The following GLS variants were observed in gnomAD, a reference collection of about 807,000 sequenced individuals.
GLS encodes the protein glutaminase, also known as glutaminase kidney isoform, mitochondrial.
GLS carries 36 observed loss-of-function variants against 86.7 expected under a neutral mutation model. That is an observed-to-expected ratio of 0.42 (90% CI 0.32 to 0.55). GLS has a LOEUF of 0.55. Ranked by LOEUF, GLS falls within the 20% of genes least tolerant of loss-of-function variation. GLS has a pLI of 0.17. For synonymous variants in GLS, 317 were observed against 305.9 expected (o/e 1.04, Z -0.38); for missense variants, 528 against 833.4 (o/e 0.63, Z 4.51).
rs1286110599 is a variant in GLS, at chr2:190,920,368, C to T, written c.1039-656C>T. 1 of 151,822 alleles carries T rather than the reference C, an allele frequency of 6.6e-6. No homozygotes were observed. Among genetic ancestry groups the T allele is most frequent in the Non-Finnish European group, 1.5e-5 (1 of 67,776 alleles). The allele number at this position is 151,822 out of a possible 1,614,324, so 9.4% of individuals were successfully genotyped here. A position where few individuals can be genotyped will look rare whatever the true frequency, so the allele number is the denominator to read the frequency against. ...GATGAAACAATACATCTTCCATATTCTGAATTGGCATAATGCTAAATACAA... is the reference window on the plus strand; with the variant it reads ...GATGAAACAATACATCTTCCATATTTTGAATTGGCATAATGCTAAATACAA... On this transcript the variant is annotated intron_variant, in intron 7 of 17. Coordinates refer to ENST00000320717, the MANE Select transcript of GLS (RefSeq NM_014905.5). This position sits in a 1 kb window ranked among gnomAD's most constrained non-coding sequence, Gnocchi z 4.2.
At position 190,920,994 on chromosome 2, in the gene GLS, A is replaced by G. The variant is rs764928736; in HGVS notation, c.1039-30A>G. 7.8e-7 allele frequency: 1 copy of G among 1,275,802 alleles called. No homozygotes were observed. Among genetic ancestry groups the G allele is most frequent in the Non-Finnish European group, 1.1e-6 (1 of 874,978 alleles). The allele number at this position is 1,275,802 out of a possible 1,614,324, so 79.0% of individuals were successfully genotyped here. A position where few individuals can be genotyped will look rare whatever the true frequency, so the allele number is the denominator to read the frequency against. On this transcript the variant is annotated intron_variant, in intron 7 of 17. Coordinates refer to ENST00000320717, the MANE Select transcript of GLS (RefSeq NM_014905.5). This position sits in a 1 kb window ranked among gnomAD's most constrained non-coding sequence, Gnocchi z 4.2. ...ACTTAACTGTAGTGGTACCTATATTAACGTATTTATGTCTCTTATTTTTTT... is the reference window on the plus strand; with the variant it reads ...ACTTAACTGTAGTGGTACCTATATTGACGTATTTATGTCTCTTATTTTTTT...
chr2:190,962,969 C>A lies in GLS; in HGVS notation c.1993C>A (p.Leu665Ile). The part of the protein sequence containing the change: ...GKENQTVHKN[L>I]DGLL ...GGAAAATCAAACCGTCCATAAGAAT[C>A]TTGATGGATTGTTGTAATGGTCTCA... Residue 665 changes from leucine to isoleucine, a missense_variant, in exon 18 of 18, where the codon CTT becomes ATT. By Grantham distance (5) the Leu-to-Ile change is conservative. This residue lies in a region of GLS where 30 missense variants were observed against 36.9 expected (regional missense o/e 0.81). Coordinates refer to ENST00000320717, the MANE Select transcript of GLS (RefSeq NM_014905.5). This position sits in a 1 kb window ranked among gnomAD's most constrained non-coding sequence, Gnocchi z 4.2. 1.2e-6 allele frequency: 2 copies of A among 1,605,500 alleles called. No homozygotes were observed. Among genetic ancestry groups the A allele is most frequent in the Non-Finnish European group, 1.7e-6 (2 of 1,176,684 alleles).
intron 7 of GLS, among the ~76,000 whole-genome samples, chr2:190,912,062 C>G (rs1000004237): frequency 6.6e-6 from 1 of 152,058 alleles, no homozygotes; most frequent in Admixed American, 6.6e-5. Flanking sequence ...TCATTAGTTT[C>G]ACTTGCCATG....
chr2:190,932,442 T>C (rs1690137860), intron 14 of GLS, among the ~76,000 whole-genome samples: 1 of 151,938 alleles, frequency 6.6e-6, no homozygotes, highest in African/African-American at 2.4e-5. Flanking sequence ...AGAAAATATT[T>C]TTAATACATA....
chr2:190,945,426 G>A (rs550328098), intron 14 of GLS, among the ~76,000 whole-genome samples: 1 of 151,960 alleles, frequency 6.6e-6, no homozygotes, highest in Non-Finnish European at 1.5e-5. Flanking sequence ...ACTTTGGGAG[G>A]GTGTCAGGAG....
At chr2:190,898,216 T>C (rs559142995) in intron 3 of GLS, among the ~76,000 whole-genome samples, 2 of 152,330 alleles carry the variant, frequency 1.3e-5, no homozygotes, top group East Asian at 3.9e-4. Flanking sequence ...ATTATGTTAT[T>C]TTACAAATGA....
chr2:190,915,471 T>C (rs1206723331), intron 7 of GLS, among the ~76,000 whole-genome samples: 1 of 152,214 alleles, frequency 6.6e-6, no homozygotes, highest in Non-Finnish European at 1.5e-5. Context: ...CAAATGATTA[T>C]AGCTTTTTCA....
intron 14 of GLS, among the ~76,000 whole-genome samples, chr2:190,936,405 C>A (rs1183325525): frequency 6.6e-6 from 1 of 151,106 alleles, no homozygotes; most frequent in Non-Finnish European, 1.5e-5. Flanking sequence ...CCTTAATCTA[C>A]CCATTCATAT....
In GLS at chr2:190,895,430, AAG is replaced by A. The variant is rs1038343531; in HGVS notation, c.484-172_484-171del. On this transcript the variant is annotated intron_variant, in intron 2 of 17. Transcript: ENST00000320717. The surrounding 1 kb of genome is among the most constrained non-coding windows in gnomAD (Gnocchi z 4.2). ...CAAGGTAATCAGTGAAAGAAAAAGA[AAG>A]AAACAATGAGAAACTTGTCCAGAAA... 39 of 563,832 alleles carry A rather than the reference AAG, an allele frequency of 6.9e-5. No individual in the cohort carries two copies. The African/African-American group carries it at 7.0e-4, about 10-fold the overall frequency. 34.9% of individuals were successfully genotyped at this position (563,832 alleles called of 1,614,324 possible).
At chr2:190,898,873 C>G (rs1220922834) in intron 3 of GLS, among the ~76,000 whole-genome samples, 3 of 152,208 alleles carry the variant, frequency 2.0e-5, no homozygotes, top group Non-Finnish European at 1.5e-5. Context: ...GGTGATCTGC[C>G]TGCCTCAGCC....
Position 190,913,640 on chromosome 2 carries a change from C to T in GLS, c.1038+3319C>T. On this transcript the variant is annotated intron_variant, in intron 7 of 17. Transcript: ENST00000320717. This position sits in a 1 kb window ranked among gnomAD's most constrained non-coding sequence, Gnocchi z 6.1. ...GTTTTCTTTTCACTGGTAAAAATTT[C>T]ACGTAGTTTTAGTTTAAAAGTTAAG... 1.0e-6 allele frequency: 1 copy of T among 976,368 alleles called. No individual in the cohort carries two copies. Among genetic ancestry groups the T allele is most frequent in the Non-Finnish European group, 1.2e-6 (1 of 821,826 alleles). 60.5% of individuals were successfully genotyped at this position (976,368 alleles called of 1,614,324 possible).
rs1342526807 is a variant in GLS, at chr2:190,895,459, T to C, written c.484-145T>C. ...AACAATGAGAAACTTGTCCAGAAAG[T>C]GGGTAATAGTGACACTAAGATGCCA... On this transcript the variant is annotated intron_variant, in intron 2 of 17. Coordinates refer to ENST00000320717, the MANE Select transcript of GLS (RefSeq NM_014905.5). This position sits in a 1 kb window ranked among gnomAD's most constrained non-coding sequence, Gnocchi z 4.2. The C allele has an allele frequency of 5.2e-6, 3 of 580,324 alleles. No homozygotes were observed. Among genetic ancestry groups the C allele is most frequent in the East Asian group, 5.7e-5 (2 of 35,206 alleles). The allele number at this position is 580,324 out of a possible 1,614,324, so 35.9% of individuals were successfully genotyped here.
chr2:190,942,168 C>T (rs1690457099), intron 14 of GLS, among the ~76,000 whole-genome samples: 1 of 143,526 alleles, frequency 7.0e-6, no homozygotes, highest in South Asian at 2.3e-4. Flanking sequence ...CAAGCTCCGC[C>T]TCCCGGGTTC....
intron 7 of GLS, among the ~76,000 whole-genome samples, chr2:190,916,524 G>T (rs1241024230): frequency 1.3e-5 from 2 of 152,004 alleles, no homozygotes; most frequent in African/African-American, 4.8e-5. Context: ...ATGATTATTA[G>T]ATCTCATCTA....
chr2:190,962,986 A>G lies in GLS; in HGVS notation c.2010A>G (p.Ter670=), dbSNP rs752271918. Reference sequence around the variant, plus strand: ...ATAAGAATCTTGATGGATTGTTGTAATGGTCTCAAATCCCAAGATTTAAAT... The same window carrying G: ...ATAAGAATCTTGATGGATTGTTGTAGTGGTCTCAAATCCCAAGATTTAAAT... ...TVHKNLDGLL[*] is the part of the protein sequence containing the mutation. Residue 670 remains the stop codon, a stop_retained_variant, in exon 18 of 18, where the codon TAA becomes TAG. Coordinates refer to ENST00000320717, the MANE Select transcript of GLS (RefSeq NM_014905.5). This position sits in a 1 kb window ranked among gnomAD's most constrained non-coding sequence, Gnocchi z 4.2. The G allele has an allele frequency of 7.6e-6, 12 of 1,583,512 alleles. No homozygotes were observed. Among genetic ancestry groups the G allele is most frequent in the Non-Finnish European group, 1.0e-5 (12 of 1,168,200 alleles).
rs1332771720 is a variant in GLS, at chr2:190,954,346, T to A, written c.1713-238T>A. Among the ~76,000 whole-genome samples, 1 of 152,104 alleles carries A rather than the reference T, an allele frequency of 6.6e-6. No individual in the cohort carries two copies. Among genetic ancestry groups the A allele is most frequent in the African/African-American group, 2.4e-5 (1 of 41,416 alleles). ...ACAATAATGTAATAAAGTTTAATTC[T>A]GTGAGAGATGGTTAACATTTAATCT... On this transcript the variant is annotated intron_variant, in intron 15 of 17. Coordinates refer to ENST00000320717, the MANE Select transcript of GLS (RefSeq NM_014905.5). The surrounding 1 kb of genome is among the most constrained non-coding windows in gnomAD (Gnocchi z 4.0).
Position 190,914,307 on chromosome 2 carries a change from TA to T in GLS, c.1038+3988del, listed in dbSNP as rs1689453139. ...AGCAATAACCTGTTAGGCATGCTTATAAGACAGGTTTTTAAAGTAGTTTGTG... is the reference window on the plus strand; with the variant it reads ...AGCAATAACCTGTTAGGCATGCTTATAGACAGGTTTTTAAAGTAGTTTGTG... On this transcript the variant is annotated intron_variant, in intron 7 of 17. Transcript: ENST00000320717. The surrounding 1 kb of genome is among the most constrained non-coding windows in gnomAD (Gnocchi z 4.4). Among the ~76,000 whole-genome samples, 1 of 152,178 alleles carries T rather than the reference TA, an allele frequency of 6.6e-6. No homozygotes were observed. The highest frequency in any genetic ancestry group is 2.4e-5 in the African/African-American group (1 of 41,446).
Position 190,920,377 on chromosome 2 carries a change from C to T in GLS, c.1039-647C>T, listed in dbSNP as rs1689691802. The stretch of plus-strand genomic sequence containing the variant: ...ATACATCTTCCATATTCTGAATTGG[C>T]ATAATGCTAAATACAACAGAAGCTA... On this transcript the variant is annotated intron_variant, in intron 7 of 17. Coordinates refer to ENST00000320717, the MANE Select transcript of GLS (RefSeq NM_014905.5). The surrounding 1 kb of genome is among the most constrained non-coding windows in gnomAD (Gnocchi z 4.2). 1 of 151,744 alleles carries T rather than the reference C, an allele frequency of 6.6e-6. No individual in the cohort carries two copies. Among genetic ancestry groups the T allele is most frequent in the Non-Finnish European group, 1.5e-5 (1 of 67,754 alleles). The allele number at this position is 151,744 out of a possible 1,614,324, so 9.4% of individuals were successfully genotyped here. A position where few individuals can be genotyped will look rare whatever the true frequency, so the allele number is the denominator to read the frequency against.
At position 190,913,797 on chromosome 2, in the gene GLS, G is replaced by A; in HGVS notation, c.1038+3476G>A. 1 of 899,840 alleles carries A rather than the reference G, an allele frequency of 1.1e-6. No individual in the cohort carries two copies. The highest frequency in any genetic ancestry group is 1.3e-6 in the Non-Finnish European group (1 of 752,102). The allele number at this position is 899,840 out of a possible 1,614,324, so 55.7% of individuals were successfully genotyped here. On this transcript the variant is annotated intron_variant, in intron 7 of 17. Transcript: ENST00000320717. This position sits in a 1 kb window ranked among gnomAD's most constrained non-coding sequence, Gnocchi z 6.1. ...GTCTTCTATGTTTTTACCTCTCAGA[G>A]TTTTTTGTTTTTTGTTTTTTAGAGA...
Sources: gnomAD v4.1 joint callset for allele counts (sites outside exome capture counted in the v4.1 genomes callset) on GRCh38, gnomAD v4.1.1 for gene constraint, gnomAD v4.1.1 regional missense constraint, Gnocchi (gnomAD v3.1) non-coding constraint, MANE v1.5 for transcripts, NCBI Gene and HGNC (gene_info 2026-07-23, HGNC 2026-07-21) for gene names.